CSMD1: variants seen among roughly 807,000 people sequenced by gnomAD.
CSMD1 encodes CUB and Sushi multiple domains 1.
Under a neutral mutation model 417.5 loss-of-function variants are expected in CSMD1, and 213 were observed. That is an observed-to-expected ratio of 0.51 (90% CI 0.46 to 0.57). CSMD1 has a LOEUF of 0.57. CSMD1 is among the 20% of genes least tolerant of loss of function. The pLI, the probability that CSMD1 is intolerant of heterozygous loss-of-function variation, is 0.00. For synonymous variants in CSMD1, 2,862 were observed against 1,736.8 expected, an observed-to-expected ratio of 1.65 and a Z score of -16.11; for missense variants, 6,923 against 4,529.7, an observed-to-expected ratio of 1.53 and a Z score of -15.17.
intron 8 of CSMD1, among the ~76,000 whole-genome samples, chr8:3,612,979 T>C (rs1474362101): frequency 1.3e-5 from 2 of 152,042 alleles, no homozygotes; most frequent in South Asian, 2.1e-4. Flanking sequence ...CAGAAATGTA[T>C]GTAAAAGTAA....
At chr8:3,469,168 G>C (rs572686689) in intron 11 of CSMD1, 15 of 194,428 alleles carry the variant, frequency 7.7e-5, no homozygotes, top group African/African-American at 3.5e-4. Context: ...AAAAAATATG[G>C]CACAGTTGTT....
chr8:3,708,414 A>C lies in CSMD1; in HGVS notation c.1009T>G (p.Leu337Val). 6.2e-7 allele frequency: 1 copy of C among 1,613,538 alleles called. No homozygotes were observed. The highest frequency in any genetic ancestry group is 8.5e-7 in the Non-Finnish European group (1 of 1,179,464). Reference sequence around the variant, plus strand: ...TCAGATAGAAAGGAAAGGGACTCACAGACAGAGTTTTTATGGCTTCCATCC... The same window carrying C: ...TCAGATAGAAAGGAAAGGGACTCACCGACAGAGTTTTTATGGCTTCCATCC... The part of the protein sequence containing the change: ...SKDGSHKNSV[L>V]SQGGVALVSD... Residue 337 changes from leucine to valine, a missense_variant and splice_region_variant, in exon 7 of 70, where the codon TTG (leucine) becomes GTG (valine). Leu to Val is a conservative substitution (Grantham distance 32). Coordinates refer to ENST00000635120, the MANE Select transcript of CSMD1 (RefSeq NM_033225.6).
intron 1 of CSMD1, among the ~76,000 whole-genome samples, chr8:4,673,851 T>A (rs1805504964): frequency 2.0e-5 from 3 of 152,116 alleles, no homozygotes; most frequent in Admixed American, 6.6e-5. Context: ...TGCCAGGGAC[T>A]GCCCGTGATG....
chr8:3,531,787 T>A (rs892682101), intron 10 of CSMD1, among the ~76,000 whole-genome samples: 6 of 152,134 alleles, frequency 3.9e-5, no homozygotes, highest in Non-Finnish European at 8.8e-5. Flanking sequence ...CAAACATAGA[T>A]AAGCAAGCTA....
At chr8:3,173,191 C>T (rs912545161) in intron 37 of CSMD1, among the ~76,000 whole-genome samples, 1 of 152,196 alleles carries the variant, frequency 6.6e-6, no homozygotes, top group Admixed American at 6.5e-5. Flanking sequence ...GCCAAAATAT[C>T]ACCAGTAGGA....
chr8:4,761,957 AT>A (rs1329584075), intron 1 of CSMD1, among the ~76,000 whole-genome samples: 42 of 149,778 alleles, frequency 2.8e-4, no homozygotes, highest in African/African-American at 1.0e-3. Context: ...CTATCTATCT[AT>A]CTATCTAGAT....
chr8:4,898,394 T>C (rs957097406), intron 1 of CSMD1, among the ~76,000 whole-genome samples: 8 of 151,498 alleles, frequency 5.3e-5, no homozygotes, highest in Non-Finnish European at 2.9e-5. Flanking sequence ...AGTCAAGTAC[T>C]AGCAATTCAG....
intron 4 of CSMD1, among the ~76,000 whole-genome samples, chr8:3,999,715 A>G (rs1331268954): frequency 1.3e-5 from 2 of 152,298 alleles, no homozygotes; most frequent in East Asian, 3.9e-4. Flanking sequence ...ACTAATGCTA[A>G]TGGCAGCTTT....
intron 3 of CSMD1, among the ~76,000 whole-genome samples, chr8:4,371,654 C>T (rs535689414): frequency 1.1e-4 from 17 of 152,248 alleles, no homozygotes; most frequent in Non-Finnish European, 2.1e-4. Flanking sequence ...TTTCTTACGT[C>T]TTAAAGTTCT....
intron 41 of CSMD1, among the ~76,000 whole-genome samples, chr8:3,141,996 A>G (rs1010190890): frequency 1.3e-5 from 2 of 151,896 alleles, no homozygotes; most frequent in African/African-American, 4.8e-5. Context: ...ACGGGGTTTC[A>G]CCGTGTTAGC....
At position 3,714,561 on chromosome 8, in the gene CSMD1, C is replaced by CAAAAAAAAAAAAAAAAAAAAAAAAA. The variant is rs61494901; in HGVS notation, c.932-6071_932-6070insTTTTTTTTTTTTTTTTTTTTTTTTT. Among the ~76,000 whole-genome samples, 15 of 70,572 alleles carry CAAAAAAAAAAAAAAAAAAAAAAAAA rather than the reference C, an allele frequency of 2.1e-4. 4 individuals carry two copies. Among genetic ancestry groups the CAAAAAAAAAAAAAAAAAAAAAAAAA allele is most frequent in the African/African-American group, 3.9e-4 (7 of 18,148 alleles). The allele number at this position is 70,572 out of a possible 152,430, so 46.3% of individuals were successfully genotyped here. A position where few individuals can be genotyped will look rare whatever the true frequency, so the allele number is the denominator to read the frequency against. On this transcript the variant is annotated intron_variant, in intron 6 of 69. Coordinates refer to ENST00000635120, the MANE Select transcript of CSMD1 (RefSeq NM_033225.6). Reference sequence around the variant, plus strand: ...ACATGGCGAAACCCCATCTCTATCCCAAAAAAAAAAAAAAAAAAAATTAGC... The same window carrying CAAAAAAAAAAAAAAAAAAAAAAAAA: ...ACATGGCGAAACCCCATCTCTATCCCAAAAAAAAAAAAAAAAAAAAAAAAAAAAAAAAAAAAAAAAAAAAATTAGC...
At chr8:3,711,670 T>C (rs1190760416) in intron 6 of CSMD1, among the ~76,000 whole-genome samples, 1 of 152,134 alleles carries the variant, frequency 6.6e-6, no homozygotes, top group East Asian at 1.9e-4. Flanking sequence ...ACTTCTGCGG[T>C]TCTCCTGGTG....
At chr8:3,845,373 A>C (rs1272398793) in intron 5 of CSMD1, among the ~76,000 whole-genome samples, 1 of 152,186 alleles carries the variant, frequency 6.6e-6, no homozygotes, top group Non-Finnish European at 1.5e-5. Flanking sequence ...CCTGTACTGC[A>C]TGGGACTGCC....
At chr8:4,071,519 A>G (rs1180524226) in intron 3 of CSMD1, among the ~76,000 whole-genome samples, 5 of 151,964 alleles carry the variant, frequency 3.3e-5, no homozygotes, top group Non-Finnish European at 7.4e-5. Flanking sequence ...TACTTATTTA[A>G]GCATAATTGT....
At chr8:3,944,687 T>G (rs118161801) in intron 5 of CSMD1, among the ~76,000 whole-genome samples, 3 of 152,196 alleles carry the variant, frequency 2.0e-5, no homozygotes, top group Admixed American at 2.0e-4. Flanking sequence ...AAAAGATCTA[T>G]GTTGAAAATG....
intron 3 of CSMD1, among the ~76,000 whole-genome samples, chr8:4,131,416 C>T (rs1250940534): frequency 6.6e-6 from 1 of 152,216 alleles, no homozygotes; most frequent in Middle Eastern, 3.4e-3. Context: ...ATTTGTACCA[C>T]CTCTCTCTCA....
At chr8:3,463,772 C>G (rs970145674) in intron 12 of CSMD1, among the ~76,000 whole-genome samples, 8 of 152,280 alleles carry the variant, frequency 5.3e-5, no homozygotes, top group African/African-American at 1.9e-4. Context: ...TTCAAGATTA[C>G]ATAACATCAA....
intron 6 of CSMD1, among the ~76,000 whole-genome samples, chr8:3,714,025 C>CAGATAGACAGAT (rs1554519417): frequency 1.4e-5 from 2 of 147,088 alleles, no homozygotes; most frequent in Non-Finnish European, 3.0e-5. Context: ...GCTCACTATG[C>CAGATAGACAGAT]AGATAGATAG....
intron 2 of CSMD1, among the ~76,000 whole-genome samples, chr8:4,548,130 T>C (rs1185312452): frequency 1.3e-5 from 2 of 151,944 alleles, no homozygotes; most frequent in African/African-American, 4.8e-5. Flanking sequence ...ATGATGATAC[T>C]GTTTTGGATG....
Sources: gnomAD v4.1 joint callset for allele counts (sites outside exome capture counted in the v4.1 genomes callset) on GRCh38, gnomAD v4.1.1 for gene constraint, MANE v1.5 for transcripts, NCBI Gene and HGNC (gene_info 2026-07-23, HGNC 2026-07-21) for gene names.